ETV1: variants seen among roughly 807,000 people sequenced by gnomAD.
ETV1 encodes ETS translocation variant 1.
In ETV1, 27 loss-of-function variants were observed where a neutral mutation model predicts 62.3. That is an observed-to-expected ratio of 0.43 (90% CI 0.32 to 0.60). The LOEUF is 0.60. Among genes scored for constraint, ETV1 ranks in the 20% least tolerant of loss-of-function variants. The pLI, the probability that ETV1 is intolerant of heterozygous loss-of-function variation, is 0.06. For synonymous variants in ETV1, 222 were observed against 199.6 expected (o/e 1.11, Z -0.94); for missense variants, 605 against 605.8 (o/e 1.00, Z 0.01).
intron 9 of ETV1, among the ~76,000 whole-genome samples, chr7:13,912,401 A>C (rs1262522906): frequency 6.6e-6 from 1 of 152,242 alleles, no homozygotes; most frequent in Non-Finnish European, 1.5e-5. Context: ...TAATTTCACT[A>C]ATACCATCTC....
intron 6 of ETV1, among the ~76,000 whole-genome samples, chr7:13,969,369 A>G (rs1008056466): frequency 4.6e-5 from 7 of 152,216 alleles, no homozygotes; most frequent in African/African-American, 1.7e-4. Context: ...TATTTTAAAA[A>G]TAAGATGACA....
At chr7:13,900,894 T>A (rs1463049483) in intron 12 of ETV1, 55 bp from the exon 13 acceptor site, 16 of 1,191,204 alleles carry the variant, frequency 1.3e-5, no homozygotes, top group Admixed American at 1.2e-4. Context: ...TCAGCATATT[T>A]CATAAAAATT....
At chr7:13,932,692 T>A (rs1266554450) in intron 8 of ETV1, among the ~76,000 whole-genome samples, 1 of 152,194 alleles carries the variant, frequency 6.6e-6, no homozygotes, top group Non-Finnish European at 1.5e-5. Flanking sequence ...CACAAAGATG[T>A]GGATTAATTA....
chr7:13,902,076 A>T (rs1371069694), intron 12 of ETV1, among the ~76,000 whole-genome samples: 1 of 152,080 alleles, frequency 6.6e-6, no homozygotes. Context: ...TCCACTTTTT[A>T]TTAGTCTGAG....
intron 6 of ETV1, among the ~76,000 whole-genome samples, chr7:13,970,621 TGAA>T (rs886223312): frequency 3.3e-5 from 5 of 152,156 alleles, no homozygotes. Context: ...CGAAAGAAGA[TGAA>T]GTTTTCCTGA....
At position 13,895,718 on chromosome 7, in the gene ETV1, A is replaced by C. The variant is rs918362549; in HGVS notation, c.*148T>G. ...GTGCACAGTCCATGGCAGACCATAGAATAATGCAACAGGAAAAGCCCCTTT... is the reference window on the plus strand; with the variant it reads ...GTGCACAGTCCATGGCAGACCATAGCATAATGCAACAGGAAAAGCCCCTTT... On this transcript the variant is annotated 3_prime_UTR_variant, in exon 14 of 14. Coordinates refer to ENST00000430479, the MANE Select transcript of ETV1 (RefSeq NM_004956.5). The C allele has an allele frequency of 4.6e-6, 3 of 650,208 alleles. No individual in the cohort carries two copies. The African/African-American group carries it at 5.5e-5, about 12-fold the overall frequency. 40.3% of individuals were successfully genotyped at this position (650,208 alleles called of 1,614,324 possible).
chr7:13,983,895 C>A (rs1220088600), intron 5 of ETV1, among the ~76,000 whole-genome samples: 2 of 151,690 alleles, frequency 1.3e-5, no homozygotes, highest in African/African-American at 4.8e-5. Context: ...AACCCTCAAA[C>A]AGTCCTGCCT....
intron 6 of ETV1, among the ~76,000 whole-genome samples, chr7:13,964,733 T>C (rs1790583601): frequency 6.7e-6 from 1 of 148,930 alleles, no homozygotes; most frequent in Non-Finnish European, 1.5e-5. Context: ...TGGAATAAGA[T>C]ACTGGAATAA....
rs1234306254 is a variant in ETV1 at position 13,895,800 on chromosome 7, G to C, written c.*66C>G. On this transcript the variant is annotated 3_prime_UTR_variant, in exon 14 of 14. Coordinates refer to ENST00000430479, the MANE Select transcript of ETV1 (RefSeq NM_004956.5). ...ACAACAGAAATAAAACAAAGATTCA[G>C]CAATTCTCTGTATCTTGCAGAAAAA... The C allele has an allele frequency of 4.0e-6, 4 of 1,002,280 alleles. No homozygotes were observed. In the East Asian group the frequency reaches 1.0e-4, roughly 26 times the overall value. The allele number at this position is 1,002,280 out of a possible 1,614,324, so 62.1% of individuals were successfully genotyped here.
intron 9 of ETV1, among the ~76,000 whole-genome samples, chr7:13,930,219 T>C (rs973471592): frequency 6.6e-6 from 1 of 152,204 alleles, no homozygotes; most frequent in Non-Finnish European, 1.5e-5. Flanking sequence ...TAAAAACAGA[T>C]GTCCTGATTT....
chr7:13,914,033 G>A lies in ETV1; in HGVS notation c.803-2726C>T, dbSNP rs182384486. ...TGAGTAGCTGGGACTACAGGCTCCC[G>A]CCAGCATGCCTGGCTAATTTTTTGT... On this transcript the variant is annotated intron_variant, in intron 9 of 13. Coordinates refer to ENST00000430479, the MANE Select transcript of ETV1 (RefSeq NM_004956.5). Among the ~76,000 whole-genome samples the A allele has an allele frequency of 5.5e-3, 841 of 151,922 alleles. 18 individuals carry two copies. The highest frequency in any genetic ancestry group is 0.042 in the Admixed American group (646 of 15,274).
chr7:13,927,660 C>A (rs1272404336), intron 9 of ETV1, among the ~76,000 whole-genome samples: 1 of 152,106 alleles, frequency 6.6e-6, no homozygotes, highest in East Asian at 1.9e-4. Flanking sequence ...AACAAAATAT[C>A]TACGAATCAT....
chr7:13,976,798 C>T (rs764741313), intron 6 of ETV1, among the ~76,000 whole-genome samples: 2 of 152,110 alleles, frequency 1.3e-5, no homozygotes, highest in Non-Finnish European at 2.9e-5. Flanking sequence ...TCACTCCTTG[C>T]GCATTCTCTG....
At chr7:13,959,776 G>A (rs1323071382) in intron 6 of ETV1, among the ~76,000 whole-genome samples, 6 of 151,284 alleles carry the variant, frequency 4.0e-5, no homozygotes, top group Admixed American at 2.0e-4. Flanking sequence ...CCACCTACTC[G>A]GGAGGCTGAG....
chr7:13,935,610 C>T, intron 8 of ETV1, 98 bp downstream of exon 8: 4 of 970,454 alleles, frequency 4.1e-6, no homozygotes, highest in Non-Finnish European at 6.3e-6. Flanking sequence ...AATTAATAGG[C>T]TCACCTTAAA....
intron 6 of ETV1, among the ~76,000 whole-genome samples, chr7:13,940,101 G>A (rs921149137): frequency 3.9e-5 from 6 of 152,172 alleles, no homozygotes; most frequent in African/African-American, 7.2e-5. Context: ...CGTGGCTCAC[G>A]CCGGTAATCC....
At position 13,989,658 on chromosome 7, in the gene ETV1, A is replaced by ATT; in HGVS notation, c.-381_-380insAA. 1 of 398,956 alleles carries ATT rather than the reference A, an allele frequency of 2.5e-6. No homozygotes were observed. The highest frequency in any genetic ancestry group is 3.6e-5 in the East Asian group (1 of 28,054). The allele number at this position is 398,956 out of a possible 1,614,324, so 24.7% of individuals were successfully genotyped here. A position where few individuals can be genotyped will look rare whatever the true frequency, so the allele number is the denominator to read the frequency against. ...CAGCACTTCCCCCTTGGAAGCCGAA[A>ATT]GCGCCTCTGACAGAGCTCAATTCGG... On this transcript the variant is annotated 5_prime_UTR_variant, in exon 1 of 14. Transcript: ENST00000430479.
At chr7:13,918,202 A>G (rs185359432) in intron 9 of ETV1, among the ~76,000 whole-genome samples, 225 of 152,220 alleles carry the variant, frequency 1.5e-3, no homozygotes, top group Admixed American at 3.1e-3. Context: ...TGCTTTGCAT[A>G]TGAATAATAC....
At chr7:13,983,621 C>CTTTTTT (rs34955846) in intron 5 of ETV1, among the ~76,000 whole-genome samples, 1 of 144,828 alleles carries the variant, frequency 6.9e-6, no homozygotes, top group Non-Finnish European at 1.5e-5. Context: ...TATTCCCTGA[C>CTTTTTT]TTTTTTTTTT....
Sources: gnomAD v4.1 joint callset for allele counts (sites outside exome capture counted in the v4.1 genomes callset) on GRCh38, gnomAD v4.1.1 for gene constraint, MANE v1.5 for transcripts, NCBI Gene and HGNC (gene_info 2026-07-23, HGNC 2026-07-21) for gene names.